Variants in TAF11L11 observed in about 807,000 individuals in gnomAD.
TAF11L11 encodes the protein TATA-box binding protein associated factor 11 like 11.
exon 1 of TAF11L11, chr5:17,604,818 T>C (rs985992232): frequency 2.8e-5 from 11 of 388,220 alleles, no homozygotes; most frequent in African/African-American, 2.1e-4. Context: ...TCTGCTGAGA[T>C]GTTCCCCATG....
At chr5:17,604,661 A>G in exon 1 of TAF11L11, 1 of 349,548 alleles carries the variant, frequency 2.9e-6, no homozygotes, top group East Asian at 4.1e-5. Flanking sequence ...AAACTGGCAC[A>G]GCAGAAACAC....
exon 1 of TAF11L11, chr5:17,605,361 A>C (rs1561008304): frequency 2.5e-6 from 1 of 393,866 alleles, no homozygotes; most frequent in East Asian, 3.6e-5. Flanking sequence ...AGCAACTACA[A>C]AAAAATCATG....
exon 1 of TAF11L11, chr5:17,605,359 C>T (rs74639474): frequency 3.3e-5 from 13 of 393,544 alleles, no homozygotes; most frequent in East Asian, 1.1e-4. Context: ...ACAGCAACTA[C>T]AAAAAAATCA....
At chr5:17,605,909 C>T (rs1287102314), downstream of TAF11L11, among the ~76,000 whole-genome samples, 1 of 151,264 alleles carries the variant, frequency 6.6e-6, no homozygotes, top group Non-Finnish European at 1.5e-5. Flanking sequence ...AGTCACAAAG[C>T]ACTTTTTTTC....
chr5:17,605,711 G>T (rs1739157914), downstream of TAF11L11, among the ~76,000 whole-genome samples: 1 of 151,382 alleles, frequency 6.6e-6, no homozygotes, highest in South Asian at 2.1e-4. Flanking sequence ...AGATTTGTAT[G>T]GTTTCCTGCT....
exon 1 of TAF11L11, chr5:17,604,899 G>T: frequency 5.1e-6 from 2 of 391,568 alleles, no homozygotes; most frequent in South Asian, 1.3e-4. Flanking sequence ...GAAGAACCCA[G>T]GGATCAGGAA....
At chr5:17,604,851 A>T (rs1579615840) in exon 1 of TAF11L11, 1 of 390,100 alleles carries the variant, frequency 2.6e-6, no homozygotes, top group African/African-American at 2.1e-5. Flanking sequence ...AAGTACAGCA[A>T]CAAGGATGGA....
chr5:17,604,870 G>A (rs1056638441), exon 1 of TAF11L11: 2 of 390,586 alleles, frequency 5.1e-6, no homozygotes, highest in African/African-American at 2.1e-5. Context: ...GAATCCCTGA[G>A]GACCTAGATG....
exon 1 of TAF11L11, chr5:17,604,875 T>C (rs1379454952): frequency 2.6e-6 from 1 of 390,726 alleles, no homozygotes; most frequent in Non-Finnish European, 4.5e-6. Context: ...CCTGAGGACC[T>C]AGATGGGAAC....
downstream of TAF11L11, chr5:17,605,418 G>A (rs1368628645): frequency 5.1e-6 from 2 of 392,340 alleles, no homozygotes; most frequent in African/African-American, 4.1e-5. Context: ...GCAGGAATAA[G>A]TATCGCATTC....
chr5:17,605,387 C>T (rs1269221247), downstream of TAF11L11: 2 of 393,346 alleles, frequency 5.1e-6, no homozygotes, highest in African/African-American at 4.2e-5. Flanking sequence ...GGCCTAAGGA[C>T]AGAGGGAAAG....
Position 17,605,026 on chromosome 5 carries a change from G to C in TAF11L11, c.246G>C (p.Arg82Ser), listed in dbSNP as rs112042917. 2,563 of 394,196 alleles carry C rather than the reference G, an allele frequency of 6.5e-3. 130 individuals are homozygous for C. The highest frequency in any genetic ancestry group is 0.048 in the African/African-American group (2,315 of 48,326). The allele number at this position is 394,196 out of a possible 1,614,324, so 24.4% of individuals were successfully genotyped here. The change falls in exon 1 of 1, where the codon AGG becomes AGC. Residue 82 changes from arginine to serine, a missense_variant. Physicochemically the swap from Arg to Ser is moderately radical, Grantham distance 110 (BLOSUM62 -1). Coordinates refer to ENST00000510838, the Ensembl canonical transcript of TAF11L11. ...CAGATACCAAGGGGAAGAAGGAGAG[G>C]AAGCCCACCATGGATGCAGAGGAGG... is the stretch of plus-strand genomic sequence containing the variant.
At chr5:17,604,409 C>T (rs1447036805) in exon 1 of TAF11L11, 2 of 162,520 alleles carry the variant, frequency 1.2e-5, no homozygotes, top group African/African-American at 4.8e-5. Flanking sequence ...CACAGCCAGA[C>T]CCATCCTGGA....
chr5:17,604,214 G>A (rs142936120), exon 1 of TAF11L11: 1,713 of 151,688 alleles, frequency 0.011, 69 homozygotes, highest in Non-Finnish European at 0.015. Context: ...CCCAGCACTG[G>A]CTGTGCACAC....
At chr5:17,605,333 A>G (rs540668836) in exon 1 of TAF11L11, 1 of 394,160 alleles carries the variant, frequency 2.5e-6, no homozygotes, top group East Asian at 3.6e-5. Flanking sequence ...GTTAAAGCCC[A>G]AGGGCATCCT....
At chr5:17,605,883 G>A (rs766174798), downstream of TAF11L11, among the ~76,000 whole-genome samples, 4 of 151,328 alleles carry the variant, frequency 2.6e-5, no homozygotes, top group Non-Finnish European at 5.9e-5. Flanking sequence ...TTTCCAAACT[G>A]CAGAAATAAA....
chr5:17,605,532 A>G (rs1407085211), downstream of TAF11L11, among the ~76,000 whole-genome samples: 12 of 151,570 alleles, frequency 7.9e-5, no homozygotes, highest in East Asian at 7.7e-4. Context: ...GACCTTACCT[A>G]GGTGAAGACA....
At chr5:17,605,474 G>C (rs190085596), downstream of TAF11L11, 33 of 388,374 alleles carry the variant, frequency 8.5e-5, no homozygotes, top group East Asian at 1.2e-3. Flanking sequence ...CCTTATCTCA[G>C]TCCACCCTGG....
chr5:17,605,629 G>T (rs10067630), downstream of TAF11L11, among the ~76,000 whole-genome samples: 3,702 of 151,410 alleles, frequency 0.024, 238 homozygotes, highest in African/African-American at 0.082. Context: ...CTAGTTGGAA[G>T]AATCAAGGTG....
Sources: allele counts gnomAD v4.1 joint callset (sites outside exome capture counted in the v4.1 genomes callset), GRCh38; gene constraint gnomAD v4.1.1; transcripts MANE v1.5; gene names NCBI Gene and HGNC (gene_info 2026-07-23, HGNC 2026-07-21).